The following TMEM132B variants were observed in gnomAD, a reference collection of about 807,000 sequenced individuals.
The protein encoded by TMEM132B is transmembrane protein 132B.
Under a neutral mutation model 90.8 loss-of-function variants are expected in TMEM132B, and 18 were observed. That is an observed-to-expected ratio of 0.20 (90% CI 0.14 to 0.29). The LOEUF is 0.29. Ranked by LOEUF, TMEM132B falls within the 10% of genes least tolerant of loss-of-function variation. The pLI, the probability that TMEM132B is intolerant of heterozygous loss-of-function variation, is 1.00. For missense variants in TMEM132B, 1,096 were observed against 1,326.8 expected, an observed-to-expected ratio of 0.83 and a Z score of 2.70; for synonymous variants, 504 against 523.3, an observed-to-expected ratio of 0.96 and a Z score of 0.50.
chr12:125,567,229 C>T (rs560555109), intron 4 of TMEM132B, among the ~76,000 whole-genome samples: 17 of 152,172 alleles, frequency 1.1e-4, no homozygotes, highest in Admixed American at 6.5e-4. Flanking sequence ...TGTCCATGGC[C>T]CTCTGCCCTT....
intron 2 of TMEM132B, among the ~76,000 whole-genome samples, chr12:125,356,019 G>C (rs1255702568): frequency 6.6e-6 from 1 of 152,170 alleles, no homozygotes; most frequent in African/African-American, 2.4e-5. Flanking sequence ...TGGTGGCAGG[G>C]AAGTGCCAGG....
chr12:125,224,094 A>G (rs1404517307), intron 1 of TMEM132B, among the ~76,000 whole-genome samples: 3 of 152,094 alleles, frequency 2.0e-5, no homozygotes, highest in Non-Finnish European at 2.9e-5. Context: ...TTAAGGTTCA[A>G]CCCCATTGGA....
chr12:125,326,306 T>C (rs1421462814), intron 1 of TMEM132B, among the ~76,000 whole-genome samples: 1 of 152,128 alleles, frequency 6.6e-6, no homozygotes, highest in Non-Finnish European at 1.5e-5. Context: ...AGAAGAGTCA[T>C]TGTGTGATCT....
chr12:125,584,091 G>A (rs748323863), intron 5 of TMEM132B, 97 bp downstream of exon 5: 3 of 1,566,296 alleles, frequency 1.9e-6, no homozygotes, highest in African/African-American at 2.7e-5. Flanking sequence ...AGCATCCCAT[G>A]CTCTAAAGGG....
intron 1 of TMEM132B, among the ~76,000 whole-genome samples, chr12:125,324,164 TC>T (rs1876498565): frequency 1.3e-5 from 2 of 152,100 alleles, no homozygotes; most frequent in African/African-American, 4.8e-5. Context: ...AAATCTCTGT[TC>T]AATAACTTTC....
At chr12:125,390,021 A>G (rs1878963853) in intron 2 of TMEM132B, among the ~76,000 whole-genome samples, 1 of 152,160 alleles carries the variant, frequency 6.6e-6, no homozygotes, top group African/African-American at 2.4e-5. Context: ...AGCACCTCAT[A>G]AGCTCCATAT....
chr12:125,443,306 C>T (rs557144928), intron 3 of TMEM132B, among the ~76,000 whole-genome samples: 2 of 152,116 alleles, frequency 1.3e-5, no homozygotes, highest in African/African-American at 4.8e-5. Flanking sequence ...GAGAAGAGGG[C>T]CAGTTGTAAT....
intron 5 of TMEM132B, chr12:125,622,433 A>G (rs1331761614): frequency 6.1e-6 from 6 of 983,360 alleles, no homozygotes; most frequent in Non-Finnish European, 7.2e-6. Flanking sequence ...GTCTGAGGCC[A>G]CACAGAAGTA....
chr12:125,523,491 C>T (rs1883364381), intron 4 of TMEM132B, among the ~76,000 whole-genome samples: 1 of 152,128 alleles, frequency 6.6e-6, no homozygotes, highest in Admixed American at 6.5e-5. Context: ...GATAATCTCC[C>T]CATCTCAAGA....
chr12:125,377,889 C>T (rs1878542716), intron 2 of TMEM132B, among the ~76,000 whole-genome samples: 1 of 152,200 alleles, frequency 6.6e-6, no homozygotes, highest in Non-Finnish European at 1.5e-5. Flanking sequence ...GCATGGGGAC[C>T]TTACTCACAA....
At chr12:125,416,446 C>T (rs923287778) in intron 3 of TMEM132B, among the ~76,000 whole-genome samples, 2 of 152,274 alleles carry the variant, frequency 1.3e-5, no homozygotes, top group African/African-American at 4.8e-5. Context: ...ACACGAGCCC[C>T]TTCCGAGTTT....
intron 1 of TMEM132B, chr12:125,326,716 A>G: frequency 1.3e-6 from 2 of 1,588,084 alleles, no homozygotes; most frequent in Non-Finnish European, 1.7e-6. Context: ...CAGGACAGGG[A>G]TGGGACCAGA....
At chr12:125,559,332 T>C (rs1014870765) in intron 4 of TMEM132B, among the ~76,000 whole-genome samples, 3 of 152,176 alleles carry the variant, frequency 2.0e-5, no homozygotes, top group Non-Finnish European at 4.4e-5. Flanking sequence ...GCCATTGCAC[T>C]CCAGCCTGGG....
chr12:125,402,792 T>C (rs1410330422), intron 2 of TMEM132B, among the ~76,000 whole-genome samples: 1 of 152,208 alleles, frequency 6.6e-6, no homozygotes, highest in African/African-American at 2.4e-5. Flanking sequence ...CTTCCGTATG[T>C]AATCCCATAA....
At position 125,341,109 on chromosome 12, in the gene TMEM132B, T is replaced by C. The variant is rs779312284; in HGVS notation, c.68-8343T>C. 1.2e-3 allele frequency among the ~76,000 whole-genome samples: 189 copies of C among 152,352 alleles called. 6 individuals carry two copies. The highest frequency in any genetic ancestry group is 3.4e-3 in the Middle Eastern group (1 of 294). On this transcript the variant is annotated intron_variant, in intron 1 of 8. Transcript: ENST00000682704. ...TTAGTCACTGATTACGCTCTTACAA[T>C]GTAGATTTTGCTTGCTCGAGCTTTC...
At chr12:125,384,234 C>T (rs936343820) in intron 2 of TMEM132B, among the ~76,000 whole-genome samples, 2 of 152,098 alleles carry the variant, frequency 1.3e-5, no homozygotes, top group Non-Finnish European at 2.9e-5. Context: ...TGAGCCATCA[C>T]GCCCGGCTGA....
chr12:125,574,180 AAATC>A (rs1020332261), intron 4 of TMEM132B, among the ~76,000 whole-genome samples: 5 of 146,698 alleles, frequency 3.4e-5, no homozygotes, highest in African/African-American at 1.2e-4. Flanking sequence ...TTTTTTTTTT[AAATC>A]AATCAGAGAT....
At chr12:125,584,226 A>C in intron 5 of TMEM132B, 2 of 552,936 alleles carry the variant, frequency 3.6e-6, no homozygotes, top group Non-Finnish European at 6.5e-6. Context: ...CCTGACCCTT[A>C]ATCTCCAGCA....
In TMEM132B at chr12:125,293,182, G is replaced by C. The variant is rs184083936; in HGVS notation, c.68-56270G>C. On this transcript the variant is annotated intron_variant, in intron 1 of 8. Coordinates refer to ENST00000682704, the MANE Select transcript of TMEM132B (RefSeq NM_001366854.1). ...TCTCCCTGAGACATTGGCACAATTT[G>C]TCAGACTCCCTGTTCACCTGTGGTT... Among the ~76,000 whole-genome samples, 13 of 152,356 alleles carry C rather than the reference G, an allele frequency of 8.5e-5. No individual in the cohort carries two copies. In the East Asian group the frequency reaches 1.5e-3, roughly 18 times the overall value.
Sources: allele counts gnomAD v4.1 joint callset (sites outside exome capture counted in the v4.1 genomes callset), GRCh38; gene constraint gnomAD v4.1.1; transcripts MANE v1.5; gene names NCBI Gene and HGNC (gene_info 2026-07-23, HGNC 2026-07-21).